Variants in EPCAM observed in about 807,000 individuals in gnomAD.
The protein encoded by EPCAM is epithelial cell adhesion molecule, also known as adenocarcinoma-associated antigen.
In EPCAM, 39 loss-of-function variants were observed where a neutral mutation model predicts 40.0. That is an observed-to-expected ratio of 0.98 (90% CI 0.76 to 1.27). The LOEUF is 1.27. Ranked by LOEUF, EPCAM falls within the 50% of genes most tolerant of loss-of-function variation. The pLI is 0.00. For synonymous variants in EPCAM, 168 were observed against 132.3 expected (o/e 1.27, Z -1.85); for missense variants, 503 against 381.2 (o/e 1.32, Z -2.66).
Position 47,369,492 on chromosome 2 carries a change from G to GC in EPCAM, c.-14_-13insC. 1 of 1,526,470 alleles carries GC rather than the reference G, an allele frequency of 6.6e-7. No individual in the cohort carries two copies. The highest frequency in any genetic ancestry group is 2.5e-5 in the East Asian group (1 of 39,640). 94.6% of individuals were successfully genotyped at this position (1,526,470 alleles called of 1,614,324 possible). A position where few individuals can be genotyped will look rare whatever the true frequency, so the allele number is the denominator to read the frequency against. The stretch of plus-strand genomic sequence containing the variant: ...GGGCCCCTCCCGCGCCCCTCTTCTC[G>GC]GCGCGCGCGCAGCATGGCGCCCCCG... On this transcript the variant is annotated 5_prime_UTR_variant, in exon 1 of 9. Transcript: ENST00000263735.
At position 47,386,650 on chromosome 2, in the gene EPCAM, C is replaced by T. The variant is rs2103771030; in HGVS notation, c.*37C>T. On this transcript the variant is annotated 3_prime_UTR_variant, in exon 9 of 9. Coordinates refer to ENST00000263735, the MANE Select transcript of EPCAM (RefSeq NM_002354.3). ...GAAGATTATAGAAGAAGGGAAATAG[C>T]AAATGGACACAAATTACAAATGTGT... is the stretch of plus-strand genomic sequence containing the variant. 1 of 1,463,366 alleles carries T rather than the reference C, an allele frequency of 6.8e-7. No individual in the cohort carries two copies. Among genetic ancestry groups the T allele is most frequent in the Non-Finnish European group, 9.6e-7 (1 of 1,044,662 alleles). The allele number at this position is 1,463,366 out of a possible 1,614,324, so 90.6% of individuals were successfully genotyped here.
At chr2:47,379,677 G>C in intron 6 of EPCAM, 92 bp from the exon 7 acceptor site, 1 of 1,392,376 alleles carries the variant, frequency 7.2e-7, no homozygotes, top group Admixed American at 1.9e-5. Context: ...TCTTGGCAGC[G>C]GTTCTTTTGG....
intron 1 of EPCAM, among the ~76,000 whole-genome samples, chr2:47,371,896 A>G (rs540850259): frequency 1.3e-5 from 2 of 152,354 alleles, no homozygotes; most frequent in East Asian, 1.9e-4. Context: ...CGAAGGATCA[A>G]TATAAAAACT....
intron 1 of EPCAM, among the ~76,000 whole-genome samples, chr2:47,370,435 C>G (rs544971237): frequency 1.2e-4 from 18 of 151,858 alleles, no homozygotes; most frequent in South Asian, 4.2e-4. Context: ...CGCCACCACC[C>G]CCCGCTAATT....
chr2:47,375,163 G>T (rs1671389158), intron 3 of EPCAM, 71 bp from the exon 4 acceptor site: 4 of 1,154,324 alleles, frequency 3.5e-6, no homozygotes, highest in Non-Finnish European at 5.2e-6. Context: ...AGAATTTTAG[G>T]ATTAGCTTAT....
chr2:47,372,359 C>T (rs111346264), intron 1 of EPCAM, among the ~76,000 whole-genome samples: 7 of 151,996 alleles, frequency 4.6e-5, no homozygotes, highest in African/African-American at 1.2e-4. Flanking sequence ...CGGTGACAGC[C>T]GGGCATGGTG....
intron 7 of EPCAM, 34 bp downstream of exon 7, chr2:47,380,003 G>A (rs558832554): frequency 4.4e-6 from 7 of 1,577,078 alleles, no homozygotes; most frequent in South Asian, 2.3e-5. Flanking sequence ...TCATTTAAGG[G>A]TATATTTTTT....
intron 2 of EPCAM, 91 bp downstream of exon 2, chr2:47,373,661 C>A (rs1671343468): frequency 1.4e-6 from 2 of 1,438,678 alleles, no homozygotes; most frequent in South Asian, 1.2e-5. Flanking sequence ...GTTTTATTGG[C>A]TTAAATCTGA....
intron 4 of EPCAM, among the ~76,000 whole-genome samples, chr2:47,376,782 C>G (rs534932668): frequency 6.6e-6 from 1 of 152,182 alleles, no homozygotes; most frequent in African/African-American, 2.4e-5. Context: ...TGGGCAGATA[C>G]TTGGATACTA....
intron 8 of EPCAM, among the ~76,000 whole-genome samples, chr2:47,385,711 C>T (rs1231484697): frequency 1.8e-5 from 2 of 108,978 alleles, no homozygotes; most frequent in African/African-American, 1.1e-4. Context: ...CTATCAATAA[C>T]ATTTTTCACA....
intron 7 of EPCAM, 36 bp from the exon 8 acceptor site, chr2:47,385,130 C>T (rs933717201): frequency 2.0e-6 from 3 of 1,516,482 alleles, no homozygotes; most frequent in Non-Finnish European, 1.8e-6. Flanking sequence ...TTTTGAATAG[C>T]AGTCCTAAAA....
Position 47,369,361 on chromosome 2 carries a change from C to T in EPCAM, c.-145C>T. ...GAGCACCTTCGACGCGGTCCGGGGACCCCCTCGTCGCTGTCCTCCCGACGC... is the reference window on the plus strand; with the variant it reads ...GAGCACCTTCGACGCGGTCCGGGGATCCCCTCGTCGCTGTCCTCCCGACGC... On this transcript the variant is annotated 5_prime_UTR_variant, in exon 1 of 9. Coordinates refer to ENST00000263735, the MANE Select transcript of EPCAM (RefSeq NM_002354.3). 1 of 1,205,872 alleles carries T rather than the reference C, an allele frequency of 8.3e-7. No individual in the cohort carries two copies. Among genetic ancestry groups the T allele is most frequent in the Non-Finnish European group, 1.1e-6 (1 of 921,610 alleles). 74.7% of individuals were successfully genotyped at this position (1,205,872 alleles called of 1,614,324 possible). A position where few individuals can be genotyped will look rare whatever the true frequency, so the allele number is the denominator to read the frequency against.
intron 7 of EPCAM, among the ~76,000 whole-genome samples, chr2:47,380,782 G>C (rs1016939681): frequency 3.3e-5 from 5 of 152,188 alleles, no homozygotes; most frequent in Admixed American, 3.3e-4. Flanking sequence ...AGGATGCTTC[G>C]GTATCAAGAA....
chr2:47,377,690 T>C, intron 5 of EPCAM: 1 of 383,460 alleles, frequency 2.6e-6, no homozygotes, highest in East Asian at 9.8e-5. Context: ...AGTAACATCT[T>C]AAAGTAAATA....
chr2:47,371,887 G>A (rs182552849), intron 1 of EPCAM, among the ~76,000 whole-genome samples: 14 of 152,250 alleles, frequency 9.2e-5, no homozygotes, highest in Admixed American at 3.9e-4. Context: ...CTTGGGATAC[G>A]AAGGATCAAT....
intron 1 of EPCAM, among the ~76,000 whole-genome samples, chr2:47,373,214 A>C (rs1292605617): frequency 1.4e-3 from 181 of 130,026 alleles, no homozygotes; most frequent in East Asian, 0.012. Flanking sequence ...TTAAAAAAAA[A>C]AAAAAAAAAA....
In EPCAM at chr2:47,369,416, C is replaced by T; in HGVS notation, c.-90C>T. 1 of 1,273,164 alleles carries T rather than the reference C, an allele frequency of 7.9e-7. No individual in the cohort carries two copies. The highest frequency in any genetic ancestry group is 1.0e-6 in the Non-Finnish European group (1 of 984,362). 78.9% of individuals were successfully genotyped at this position (1,273,164 alleles called of 1,614,324 possible). A position where few individuals can be genotyped will look rare whatever the true frequency, so the allele number is the denominator to read the frequency against. ...CCGCGTGCCCCAGGCCTCGCGCTGC[C>T]CGGCCGGCTCCTCGTGTCCCACTCC... On this transcript the variant is annotated 5_prime_UTR_variant, in exon 1 of 9. Coordinates refer to ENST00000263735, the MANE Select transcript of EPCAM (RefSeq NM_002354.3).
At chr2:47,378,299 CTTT>C (rs70940676) in intron 5 of EPCAM, among the ~76,000 whole-genome samples, 2 of 118,668 alleles carry the variant, frequency 1.7e-5, no homozygotes, top group Admixed American at 8.7e-5. Context: ...TTTTTCTTTT[CTTT>C]TTTTTTTTTT....
rs2103746978 is a variant in EPCAM at position 47,373,821 on chromosome 2, T to C, written c.198T>C (p.Cys66=). ...TVICSKLAAK[C]LVMKAEMNGS... is the part of the protein sequence containing the mutation. ...TTTCTTTTTCAGTGGCTGCCAAATG[T>C]TTGGTGATGAAGGCAGAAATGAATG... Residue 66 remains cysteine, a synonymous_variant, in exon 3 of 9, where the codon TGT becomes TGC. Transcript: ENST00000263735. 1 of 1,614,076 alleles carries C rather than the reference T, an allele frequency of 6.2e-7. No homozygotes were observed. Among genetic ancestry groups the C allele is most frequent in the South Asian group, 1.1e-5 (1 of 91,080 alleles).
Sources: gnomAD v4.1 joint callset for allele counts (sites outside exome capture counted in the v4.1 genomes callset) on GRCh38, gnomAD v4.1.1 for gene constraint, MANE v1.5 for transcripts, NCBI Gene and HGNC (gene_info 2026-07-23, HGNC 2026-07-21) for gene names.